The following UBLCP1 variants were observed in gnomAD, a reference collection of about 807,000 sequenced individuals.
UBLCP1 encodes the protein ubiquitin-like domain-containing CTD phosphatase 1.
UBLCP1 carries 28 observed loss-of-function variants against 42.4 expected under a neutral mutation model. That is an observed-to-expected ratio of 0.66 (90% CI 0.49 to 0.90). The LOEUF is 0.90. Among genes scored for constraint, UBLCP1 ranks in the 40% least tolerant of loss-of-function variants. UBLCP1 has a pLI of 0.00. For synonymous variants in UBLCP1, 122 were observed against 120.8 expected (o/e 1.01, Z -0.07); for missense variants, 279 against 374.5 (o/e 0.75, Z 2.10).
Position 159,285,012 on chromosome 5 carries a change from T to A in UBLCP1, c.*81T>A. ...TTTATGCTAGAAATCATTATGATAG[T>A]GCTGGACACTGAAGCAAATACCATA... is the stretch of plus-strand genomic sequence containing the variant. On this transcript the variant is annotated 3_prime_UTR_variant, in exon 11 of 11. Coordinates refer to ENST00000296786, the MANE Select transcript of UBLCP1 (RefSeq NM_145049.5). The A allele has an allele frequency of 7.5e-7, 1 of 1,329,618 alleles. No homozygotes were observed. Among genetic ancestry groups the A allele is most frequent in the Non-Finnish European group, 1.1e-6 (1 of 926,394 alleles). 82.4% of individuals were successfully genotyped at this position (1,329,618 alleles called of 1,614,324 possible).
chr5:159,270,710 T>G, intron 5 of UBLCP1, 67 bp downstream of exon 5: 2 of 1,041,042 alleles, frequency 1.9e-6, no homozygotes, highest in Non-Finnish European at 2.7e-6. Context: ...TTTTCTTTGT[T>G]TTTTTTTTTT....
intron 10 of UBLCP1, among the ~76,000 whole-genome samples, chr5:159,284,611 T>C (rs1217635767): frequency 1.3e-5 from 2 of 152,312 alleles, no homozygotes; most frequent in African/African-American, 4.8e-5. Flanking sequence ...GTTTTGAATC[T>C]AGGCTCTTCC....
At chr5:159,278,175 C>T in intron 8 of UBLCP1, 63 bp from the exon 9 acceptor site, 2 of 1,206,626 alleles carry the variant, frequency 1.7e-6, no homozygotes, top group Admixed American at 3.5e-5. Context: ...TGCAGTATTC[C>T]TGCTTTTAAG....
At chr5:159,267,708 G>C (rs1181593158) in intron 1 of UBLCP1, among the ~76,000 whole-genome samples, 1 of 152,274 alleles carries the variant, frequency 6.6e-6, no homozygotes, top group African/African-American at 2.4e-5. Context: ...AATCTTGGGG[G>C]GTGGTCTTTC....
chr5:159,282,803 G>A (rs960548211), intron 9 of UBLCP1, among the ~76,000 whole-genome samples: 6 of 151,950 alleles, frequency 3.9e-5, no homozygotes, highest in African/African-American at 1.4e-4. Flanking sequence ...AAAAATCATC[G>A]TTAAAATTTA....
At chr5:159,265,280 T>G (rs1753376227) in intron 1 of UBLCP1, among the ~76,000 whole-genome samples, 1 of 152,240 alleles carries the variant, frequency 6.6e-6, no homozygotes. Context: ...TTCTTGCAGT[T>G]GGTCCTAATA....
intron 2 of UBLCP1, 21 bp downstream of exon 2, chr5:159,269,090 G>T: frequency 6.7e-7 from 1 of 1,484,048 alleles, no homozygotes; most frequent in Non-Finnish European, 8.9e-7. Flanking sequence ...CCCCTCTTCA[G>T]ATTTTTTGCA....
chr5:159,266,885 A>G (rs1490180345), intron 1 of UBLCP1, among the ~76,000 whole-genome samples: 2 of 152,196 alleles, frequency 1.3e-5, no homozygotes, highest in Non-Finnish European at 2.9e-5. Flanking sequence ...AGGTTTGGGA[A>G]CCTGTGCCTA....
chr5:159,271,693 G>A (rs1268681325), intron 5 of UBLCP1, among the ~76,000 whole-genome samples: 2 of 152,038 alleles, frequency 1.3e-5, no homozygotes, highest in African/African-American at 4.8e-5. Context: ...GAGTATAAGT[G>A]GACATAGTTT....
intron 1 of UBLCP1, among the ~76,000 whole-genome samples, chr5:159,266,696 C>A (rs1004229705): frequency 6.6e-6 from 1 of 152,182 alleles, no homozygotes; most frequent in African/African-American, 2.4e-5. Flanking sequence ...GTGGGCCCGG[C>A]CCAGGGTCCC....
chr5:159,265,488 T>G (rs555929320), intron 1 of UBLCP1, among the ~76,000 whole-genome samples: 23 of 152,302 alleles, frequency 1.5e-4, no homozygotes, highest in Middle Eastern at 3.4e-3. Context: ...TTTGTGTGCT[T>G]AGATCTGTAC....
intron 1 of UBLCP1, among the ~76,000 whole-genome samples, chr5:159,267,775 G>T (rs1360540409): frequency 1.3e-5 from 2 of 152,132 alleles, no homozygotes; most frequent in African/African-American, 4.8e-5. Context: ...GTTTATCAGG[G>T]GTTTCCGCTT....
At chr5:159,271,772 A>G (rs531149458) in intron 5 of UBLCP1, among the ~76,000 whole-genome samples, 1 of 152,350 alleles carries the variant, frequency 6.6e-6, no homozygotes, top group Admixed American at 6.5e-5. Context: ...TCAGTTTACT[A>G]CTTAAGCCTG....
intron 8 of UBLCP1, 156 bp downstream of exon 8, chr5:159,275,402 GATT>G: frequency 9.8e-6 from 2 of 203,830 alleles, no homozygotes; most frequent in Non-Finnish European, 9.2e-6. Context: ...AAGGTTAAAA[GATT>G]TTTTTTTTTT....
At chr5:159,278,121 T>G (rs1753560396) in intron 8 of UBLCP1, 117 bp from the exon 9 acceptor site, 2 of 672,224 alleles carry the variant, frequency 3.0e-6, no homozygotes, top group Admixed American at 5.2e-5. Context: ...ACACCTGTCT[T>G]ACAGGGGGAA....
intron 5 of UBLCP1, among the ~76,000 whole-genome samples, chr5:159,270,888 A>G (rs1753457459): frequency 1.6e-5 from 2 of 127,588 alleles, no homozygotes; most frequent in Non-Finnish European, 3.6e-5. Flanking sequence ...GACTGTTTGT[A>G]TGGATCTCCT....
intron 1 of UBLCP1, among the ~76,000 whole-genome samples, chr5:159,264,900 A>G (rs771505246): frequency 1.2e-4 from 19 of 152,226 alleles, no homozygotes; most frequent in Non-Finnish European, 2.6e-4. Context: ...ACGCATCACA[A>G]TATATGCGAT....
chr5:159,283,700 G>A (rs1274235471), intron 10 of UBLCP1, among the ~76,000 whole-genome samples: 1 of 151,736 alleles, frequency 6.6e-6, no homozygotes, highest in Non-Finnish European at 1.5e-5. Flanking sequence ...CTTAATGTCA[G>A]GATAAGATAA....
At chr5:159,266,702 G>T (rs1314411759) in intron 1 of UBLCP1, among the ~76,000 whole-genome samples, 1 of 152,178 alleles carries the variant, frequency 6.6e-6, no homozygotes, top group East Asian at 1.9e-4. Context: ...CCGGCCCAGG[G>T]TCCCCGCGCT....
Sources: allele counts gnomAD v4.1 joint callset (sites outside exome capture counted in the v4.1 genomes callset), GRCh38; gene constraint gnomAD v4.1.1; transcripts MANE v1.5; gene names NCBI Gene and HGNC (gene_info 2026-07-23, HGNC 2026-07-21).